The following DOCK10 variants were observed in gnomAD, a reference collection of about 807,000 sequenced individuals.
DOCK10 encodes dedicator of cytokinesis 10.
Under a neutral mutation model 280.1 loss-of-function variants are expected in DOCK10, and 145 were observed. The observed-to-expected ratio is 0.52, with a 90% CI of 0.45 to 0.59. The LOEUF is 0.59. Among genes scored for constraint, DOCK10 ranks in the 20% least tolerant of loss-of-function variants. The pLI, the probability that DOCK10 is intolerant of heterozygous loss-of-function variation, is 0.00. For missense variants in DOCK10, 2,368 were observed against 2,651.7 expected, an observed-to-expected ratio of 0.89 and a Z score of 2.35; for synonymous variants, 915 against 942.2, an observed-to-expected ratio of 0.97 and a Z score of 0.53.
At chr2:224,995,557 G>A (rs1399079532) in intron 1 of DOCK10, among the ~76,000 whole-genome samples, 1 of 152,188 alleles carries the variant, frequency 6.6e-6, no homozygotes, top group East Asian at 1.9e-4. Context: ...TTCTAGCATT[G>A]AAAGGATGTT....
At chr2:225,009,648 AAAAG>A (rs1689379640) in intron 1 of DOCK10, among the ~76,000 whole-genome samples, 2 of 151,696 alleles carry the variant, frequency 1.3e-5, no homozygotes, top group East Asian at 1.9e-4. Flanking sequence ...CAAAAAAAAA[AAAAG>A]AAAGAAAAAA....
intron 11 of DOCK10, among the ~76,000 whole-genome samples, chr2:224,869,484 GAATA>G (rs1401299508): frequency 6.6e-6 from 1 of 151,936 alleles, no homozygotes; most frequent in East Asian, 1.9e-4. Context: ...GAGTGTCAGT[GAATA>G]AATAAACACT....
chr2:224,846,087 T>C (rs1041819665), intron 19 of DOCK10, among the ~76,000 whole-genome samples: 4 of 152,260 alleles, frequency 2.6e-5, no homozygotes, highest in Admixed American at 2.6e-4. Flanking sequence ...CATTTAATGC[T>C]CAATAAATAT....
At chr2:224,845,361 A>G (rs1696268691) in intron 20 of DOCK10, 37 bp from the exon 21 acceptor site, 1 of 1,575,070 alleles carries the variant, frequency 6.3e-7, no homozygotes, top group Non-Finnish European at 8.6e-7. Flanking sequence ...TTCTGAGTAC[A>G]AACCTCCATG....
intron 33 of DOCK10, among the ~76,000 whole-genome samples, chr2:224,806,469 TAGATAC>T (rs1311964097): frequency 2.0e-5 from 3 of 152,212 alleles, no homozygotes; most frequent in Non-Finnish European, 2.9e-5. Flanking sequence ...AACAATCTTT[TAGATAC>T]AGATATACAG....
rs1021235244 is a variant in DOCK10 at position 224,770,747 on chromosome 2, T to C, written c.6205-102A>G. The C allele has an allele frequency of 5.1e-6, 4 of 782,668 alleles. No individual in the cohort carries two copies. Among genetic ancestry groups the C allele is most frequent in the Non-Finnish European group, 8.7e-6 (4 of 459,670 alleles). 48.5% of individuals were successfully genotyped at this position (782,668 alleles called of 1,614,324 possible). On this transcript the variant is annotated intron_variant, in intron 53 of 55. Coordinates refer to ENST00000258390, the MANE Select transcript of DOCK10 (RefSeq NM_014689.3). The surrounding 1 kb of genome is among the most constrained non-coding windows in gnomAD (Gnocchi z 4.5). ...GTGCACCAATGGTGTGGTACCCCCA[T>C]CTCACACCCTGCCTTCTAGTCCACT... is the stretch of plus-strand genomic sequence containing the variant.
At chr2:224,838,567 T>G (rs1372777593) in intron 24 of DOCK10, among the ~76,000 whole-genome samples, 1 of 152,192 alleles carries the variant, frequency 6.6e-6, no homozygotes, top group Non-Finnish European at 1.5e-5. Flanking sequence ...CAGAACTGGA[T>G]GGTTGTGAAG....
At chr2:224,918,061 T>A (rs1701435040) in intron 2 of DOCK10, among the ~76,000 whole-genome samples, 1 of 152,222 alleles carries the variant, frequency 6.6e-6, no homozygotes, top group East Asian at 1.9e-4. Flanking sequence ...AAGGGAGTTT[T>A]GTCTTCCGAG....
At chr2:225,035,575 T>TA (rs1553634948) in intron 1 of DOCK10, among the ~76,000 whole-genome samples, 2 of 89,580 alleles carry the variant, frequency 2.2e-5, no homozygotes, top group African/African-American at 9.6e-5. Flanking sequence ...TATATATATA[T>TA]ATATATATAT....
At chr2:224,777,521 G>A (rs1433193111) in intron 51 of DOCK10, among the ~76,000 whole-genome samples, 1 of 152,182 alleles carries the variant, frequency 6.6e-6, no homozygotes, top group Admixed American at 6.5e-5. Context: ...CAGACTCCAA[G>A]TTCTTCAGCT....
Position 224,773,193 on chromosome 2 carries a change from T to G in DOCK10, c.6168A>C (p.Arg2056Ser), listed in dbSNP as rs1194051674. Residue 2056 changes from arginine (R) to serine (S), a missense_variant, in exon 53 of 56, where the codon AGA (arginine) becomes AGC (serine). Physicochemically the swap from Arg to Ser is moderately radical, Grantham distance 110 (BLOSUM62 -1). Around this residue, in one of 2 missense-constraint regions of DOCK10, gnomAD observed 1,159 missense variants for 1,400.8 expected, o/e 0.83. Coordinates refer to ENST00000258390, the MANE Select transcript of DOCK10 (RefSeq NM_014689.3). ...CACTTCCTTGCAGTTTGAGCTGCAG[T>G]CTGATCATGTCCACTTCTTCCATTG... is the stretch of plus-strand genomic sequence containing the variant. ...LCTMEEVDMI[R>S]LQLKLQGSVS... is the part of the protein sequence containing the mutation. 3 of 1,613,822 alleles carry G rather than the reference T, an allele frequency of 1.9e-6. No individual in the cohort carries two copies. Among genetic ancestry groups the G allele is most frequent in the Non-Finnish European group, 2.5e-6 (3 of 1,179,754 alleles).
At chr2:224,877,652 G>A (rs1436297934) in intron 7 of DOCK10, among the ~76,000 whole-genome samples, 1 of 152,212 alleles carries the variant, frequency 6.6e-6, no homozygotes, top group Non-Finnish European at 1.5e-5. Context: ...TCAGAAGCAG[G>A]CCTTTCCCCA....
At chr2:224,918,775 G>A (rs542582088) in intron 2 of DOCK10, among the ~76,000 whole-genome samples, 2 of 111,952 alleles carry the variant, frequency 1.8e-5, no homozygotes, top group African/African-American at 2.8e-5. Flanking sequence ...TTGAGTGCAT[G>A]TGTATGTGTA....
chr2:225,002,984 TGA>T (rs2126287571), intron 1 of DOCK10, among the ~76,000 whole-genome samples: 1 of 152,326 alleles, frequency 6.6e-6, no homozygotes, highest in African/African-American at 2.4e-5. Flanking sequence ...GGGTAAATTC[TGA>T]GAGTGACAAA....
intron 29 of DOCK10, 106 bp downstream of exon 29, chr2:224,819,340 A>T (rs1354033089): frequency 3.1e-6 from 2 of 653,270 alleles, no homozygotes; most frequent in East Asian, 6.0e-5. Flanking sequence ...CATAGAAATC[A>T]CTTTCTGATA....
chr2:224,885,864 A>C lies in DOCK10; in HGVS notation c.613-59T>G, dbSNP rs1699246801. On this transcript the variant is annotated intron_variant, in intron 6 of 55. Transcript: ENST00000258390. Reference sequence around the variant, plus strand: ...AATTGTAATGTGCTATTACTCATAGAAATTAGAATTATTCTAATTCCTTCA... The same window carrying C: ...AATTGTAATGTGCTATTACTCATAGCAATTAGAATTATTCTAATTCCTTCA... 10 of 1,568,140 alleles carry C rather than the reference A, an allele frequency of 6.4e-6. No individual in the cohort carries two copies. In the South Asian group the frequency reaches 1.2e-4, roughly 19 times the overall value.
intron 31 of DOCK10, 56 bp downstream of exon 31, chr2:224,814,264 C>T: frequency 9.4e-7 from 1 of 1,063,936 alleles, no homozygotes. Context: ...TTATAGTTGT[C>T]AATATTATTG....
intron 1 of DOCK10, among the ~76,000 whole-genome samples, chr2:224,973,874 T>A (rs1227887222): frequency 6.6e-6 from 1 of 152,168 alleles, no homozygotes; most frequent in Non-Finnish European, 1.5e-5. Flanking sequence ...CCCATGGCAA[T>A]GCAATGTAAA....
intron 43 of DOCK10, 80 bp from the exon 44 acceptor site, chr2:224,796,506 GTA>G (rs1692587357): frequency 1.2e-6 from 1 of 833,194 alleles, no homozygotes; most frequent in African/African-American, 1.7e-5. Flanking sequence ...CTGGGTAAAT[GTA>G]TTATTAGTTT....
Sources: allele counts gnomAD v4.1 joint callset (sites outside exome capture counted in the v4.1 genomes callset), GRCh38; gene constraint gnomAD v4.1.1; regional missense constraint gnomAD v4.1.1; non-coding constraint Gnocchi (gnomAD v3.1); transcripts MANE v1.5; gene names NCBI Gene and HGNC (gene_info 2026-07-23, HGNC 2026-07-21).